The following HACD1 variants were observed in gnomAD, a reference collection of about 807,000 sequenced individuals.
HACD1 encodes very-long-chain (3R)-3-hydroxyacyl-CoA dehydratase 1.
A neutral mutation model predicts 32.0 loss-of-function variants in HACD1; 41 were observed. That is an observed-to-expected ratio of 1.28 (90% CI 1.00 to 1.66). The LOEUF is 1.66. Ranked by LOEUF, HACD1 falls within the 40% of genes most tolerant of loss-of-function variation. The pLI, the probability that HACD1 is intolerant of heterozygous loss-of-function variation, is 0.00. For missense variants in HACD1, 396 were observed against 380.1 expected, an observed-to-expected ratio of 1.04 and a Z score of -0.35; for synonymous variants, 142 against 139.0, an observed-to-expected ratio of 1.02 and a Z score of -0.15.
chr10:17,594,495 A>G, intron 5 of HACD1, 112 bp from the exon 6 acceptor site: 1 of 791,678 alleles, frequency 1.3e-6, no homozygotes, highest in Non-Finnish European at 1.8e-6. Flanking sequence ...TTTTCTTTAC[A>G]TATTTACAAT....
At chr10:17,607,186 C>T (rs184175699) in intron 1 of HACD1, among the ~76,000 whole-genome samples, 6 of 152,246 alleles carry the variant, frequency 3.9e-5, no homozygotes, top group Admixed American at 3.3e-4. Context: ...AATCATCTTC[C>T]AGAACATTCA....
intron 1 of HACD1, among the ~76,000 whole-genome samples, chr10:17,614,985 C>G (rs1833053052): frequency 6.6e-6 from 1 of 152,124 alleles, no homozygotes; most frequent in Admixed American, 6.5e-5. Flanking sequence ...ATCTCCTGAC[C>G]TCGTGATCCG....
At chr10:17,604,214 G>A (rs1033270013) in intron 1 of HACD1, among the ~76,000 whole-genome samples, 167 bp from the exon 2 acceptor site, 2 of 152,046 alleles carry the variant, frequency 1.3e-5, no homozygotes, top group South Asian at 2.1e-4. Flanking sequence ...GGCCTGGCAC[G>A]GTGGCTCATG....
intron 1 of HACD1, among the ~76,000 whole-genome samples, chr10:17,605,784 T>A (rs1554816997): frequency 1.3e-5 from 2 of 151,292 alleles, no homozygotes; most frequent in East Asian, 4.0e-4. Context: ...CAAAACCCCA[T>A]CTCTATTAAA....
chr10:17,612,914 C>G (rs1247248383), intron 1 of HACD1, among the ~76,000 whole-genome samples: 2 of 121,118 alleles, frequency 1.7e-5, no homozygotes. Context: ...GAGCAAGACT[C>G]CGTCTCAAAA....
At chr10:17,590,891 T>C (rs1465130546) in intron 6 of HACD1, among the ~76,000 whole-genome samples, 1 of 152,172 alleles carries the variant, frequency 6.6e-6, no homozygotes, top group African/African-American at 2.4e-5. Context: ...GTCAGCCTGG[T>C]CTTGAACTCC....
intron 5 of HACD1, among the ~76,000 whole-genome samples, chr10:17,598,063 C>A (rs1834018115): frequency 1.3e-5 from 2 of 151,646 alleles, no homozygotes; most frequent in Admixed American, 6.6e-5. Context: ...TGTTCGAGAC[C>A]AGCCTGGGCA....
At position 17,608,012 on chromosome 10, in the gene HACD1, A is replaced by G. The variant is rs569069182; in HGVS notation, c.258-3965T>C. On this transcript the variant is annotated intron_variant, in intron 1 of 6. Transcript: ENST00000361271. Reference sequence around the variant, plus strand: ...TTCAAAAGCAACTGGAATTTCTGCAATTAGGATTTTTTTTTTTAGACAGAT... The same window carrying G: ...TTCAAAAGCAACTGGAATTTCTGCAGTTAGGATTTTTTTTTTTAGACAGAT... Among the ~76,000 whole-genome samples the G allele has an allele frequency of 3.5e-4, 54 of 152,194 alleles. No individual in the cohort carries two copies. In the South Asian group the frequency reaches 8.9e-3, roughly 25 times the overall value.
chr10:17,603,648 C>A lies in HACD1; in HGVS notation c.395G>T (p.Gly132Val). Residue 132 changes from glycine (G) to valine (V), a missense_variant and splice_region_variant, in exon 4 of 7, where the codon GGA becomes GTA. Transcript: ENST00000361271. ...ALLEIVHCLI[G>V]IVPTSVIVTG... Reference sequence around the variant, plus strand: ...CACAATCACAGAAGTAGGTACAATTCCTTAAAAAGAAAAACAAGTGAACTA... The same window carrying A: ...CACAATCACAGAAGTAGGTACAATTACTTAAAAAGAAAAACAAGTGAACTA... 1 of 1,612,224 alleles carries A rather than the reference C, an allele frequency of 6.2e-7. No individual in the cohort carries two copies. Among genetic ancestry groups the A allele is most frequent in the South Asian group, 1.1e-5 (1 of 90,922 alleles).
chr10:17,610,998 TC>T (rs376938422), intron 1 of HACD1, among the ~76,000 whole-genome samples: 8 of 137,876 alleles, frequency 5.8e-5, no homozygotes, highest in Admixed American at 1.6e-4. Context: ...CAGGTCCTCT[TC>T]TTTTTTTTTT....
In HACD1 at chr10:17,605,812, G is replaced by A. The variant is rs80331355; in HGVS notation, c.258-1765C>T. Among the ~76,000 whole-genome samples the A allele has an allele frequency of 8.9e-3, 1,345 of 151,560 alleles. 22 individuals carry two copies. The highest frequency in any genetic ancestry group is 0.03 in the African/African-American group (1,255 of 41,348). ...CTATTAAAAATACAAAACTTAGCCG[G>A]GTGTGCCGGTGGGCACCTATAGTGC... On this transcript the variant is annotated intron_variant, in intron 1 of 6. Transcript: ENST00000361271.
chr10:17,612,121 A>C (rs1276752130), intron 1 of HACD1, among the ~76,000 whole-genome samples: 1 of 151,822 alleles, frequency 6.6e-6, no homozygotes, highest in South Asian at 2.1e-4. Flanking sequence ...AAAAAAAAAA[A>C]AAAAAAAAAC....
In HACD1 at chr10:17,603,942, A is replaced by G; in HGVS notation, c.363T>C (p.Phe121=). The change falls in exon 2 of 7, where the codon TTT becomes TTC. Residue 121 remains phenylalanine (F), a synonymous_variant. Transcript: ENST00000361271. ...ATGGAAAACTTACCTCAAGCAAGGC[A>G]AATGTCTGGAAAAATTTAAGTGTCT... is the stretch of plus-strand genomic sequence containing the variant. ...IQKTLKFFQT[F]ALLEIVHCLI... is the part of the protein sequence containing the mutation. 1 of 1,606,062 alleles carries G rather than the reference A, an allele frequency of 6.2e-7. No individual in the cohort carries two copies. The highest frequency in any genetic ancestry group is 1.3e-5 in the African/African-American group (1 of 74,848).
chr10:17,608,998 G>T (rs1484410984), intron 1 of HACD1, among the ~76,000 whole-genome samples: 1 of 151,982 alleles, frequency 6.6e-6, no homozygotes, highest in Non-Finnish European at 1.5e-5. Context: ...TCTTTGAAAG[G>T]CACTGTTAAG....
chr10:17,598,118 G>C (rs1554816147), intron 5 of HACD1, among the ~76,000 whole-genome samples: 1 of 151,828 alleles, frequency 6.6e-6, no homozygotes, highest in African/African-American at 2.4e-5. Flanking sequence ...AAATTAGCCA[G>C]GTGTGGTGGC....
intron 4 of HACD1, among the ~76,000 whole-genome samples, chr10:17,601,549 G>A (rs1834070691): frequency 1.3e-5 from 2 of 152,128 alleles, no homozygotes; most frequent in Non-Finnish European, 2.9e-5. Context: ...CGACTCTCAA[G>A]CTTCCCTTTA....
chr10:17,616,909 C>T (rs924821493), intron 1 of HACD1, among the ~76,000 whole-genome samples, 174 bp downstream of exon 1: 1 of 151,610 alleles, frequency 6.6e-6, no homozygotes, highest in Admixed American at 6.6e-5. Context: ...CAGGGCCCGG[C>T]CCCCCCGCCC....
chr10:17,605,007 TG>T (rs1442539442), intron 1 of HACD1, among the ~76,000 whole-genome samples: 4 of 152,184 alleles, frequency 2.6e-5, no homozygotes, highest in South Asian at 2.1e-4. Flanking sequence ...ATGCCCAGCC[TG>T]TATGATTTAA....
chr10:17,591,289 C>G (rs1833924912), intron 6 of HACD1, among the ~76,000 whole-genome samples: 1 of 152,146 alleles, frequency 6.6e-6, no homozygotes, highest in Non-Finnish European at 1.5e-5. Context: ...ACATGGTTAA[C>G]CCTCAGGACC....
Sources: gnomAD v4.1 joint callset for allele counts (sites outside exome capture counted in the v4.1 genomes callset) on GRCh38, gnomAD v4.1.1 for gene constraint, MANE v1.5 for transcripts, NCBI Gene and HGNC (gene_info 2026-07-23, HGNC 2026-07-21) for gene names.